Variants in RBFOX1 observed in about 807,000 individuals in gnomAD.
RBFOX1 encodes RNA binding protein fox-1 homolog 1.
A neutral mutation model predicts 57.7 loss-of-function variants in RBFOX1; 8 were observed. The ratio of observed to expected loss-of-function variants is 0.14; its 90% CI spans 0.08 to 0.25. The LOEUF is 0.25. RBFOX1 is among the 10% of genes least tolerant of loss of function. RBFOX1 has a pLI of 1.00. For synonymous variants in RBFOX1, 326 were observed against 222.4 expected (o/e 1.47, Z -4.15); for missense variants, 611 against 548.5 (o/e 1.11, Z -1.14).
chr16:5,567,642 A>AG (rs1596305607), intron 2 of RBFOX1, among the ~76,000 whole-genome samples: 1 of 147,776 alleles, frequency 6.8e-6, no homozygotes, highest in African/African-American at 2.6e-5. Context: ...AGGCAAAAAA[A>AG]AAAAAAAAAA....
chr16:6,362,301 G>T (rs1245930026), intron 2 of RBFOX1, among the ~76,000 whole-genome samples: 1 of 151,572 alleles, frequency 6.6e-6, no homozygotes, highest in East Asian at 1.9e-4. Context: ...ACCTTCATTT[G>T]CCTAATTCTT....
At chr16:5,707,638 G>T (rs11076953) in intron 3 of RBFOX1, among the ~76,000 whole-genome samples, 1 of 151,994 alleles carries the variant, frequency 6.6e-6, no homozygotes, top group African/African-American at 2.4e-5. Context: ...CTGGCATCAC[G>T]TGTGGCTATG....
At chr16:5,535,639 T>C (rs1411531673) in intron 2 of RBFOX1, among the ~76,000 whole-genome samples, 1 of 152,190 alleles carries the variant, frequency 6.6e-6, no homozygotes, top group African/African-American at 2.4e-5. Flanking sequence ...GCCTGTGTTT[T>C]GCAACTGATT....
chr16:6,083,381 A>G (rs1053633010), intron 1 of RBFOX1, among the ~76,000 whole-genome samples: 1 of 152,236 alleles, frequency 6.6e-6, no homozygotes, highest in Non-Finnish European at 1.5e-5. Context: ...AAGATCCCTC[A>G]TATTTAAAAC....
intron 4 of RBFOX1, among the ~76,000 whole-genome samples, chr16:7,060,692 A>C (rs967586466): frequency 1.3e-5 from 2 of 152,130 alleles, no homozygotes; most frequent in Non-Finnish European, 2.9e-5. Flanking sequence ...CCAGCAAGTA[A>C]TTTCTGGGAC....
chr16:6,059,125 G>A (rs1308629863), intron 1 of RBFOX1: 4 of 152,208 alleles, frequency 2.6e-5, no homozygotes, highest in African/African-American at 7.2e-5. Flanking sequence ...ATAGGGTTAG[G>A]TTTGGCAGAA....
At chr16:5,447,483 C>T (rs2068284283) in intron 1 of RBFOX1, among the ~76,000 whole-genome samples, 1 of 151,858 alleles carries the variant, frequency 6.6e-6, no homozygotes, top group Non-Finnish European at 1.5e-5. Flanking sequence ...CTTCACTTCA[C>T]TGCAACTGAA....
intron 4 of RBFOX1, among the ~76,000 whole-genome samples, chr16:7,325,738 G>C (rs756344158): frequency 2.6e-5 from 4 of 152,166 alleles, no homozygotes; most frequent in Non-Finnish European, 5.9e-5. Flanking sequence ...TTGATAATTT[G>C]ATGCGGTTGT....
chr16:6,301,983 T>C (rs2078874544), intron 1 of RBFOX1, among the ~76,000 whole-genome samples: 1 of 151,952 alleles, frequency 6.6e-6, no homozygotes, highest in Non-Finnish European at 1.5e-5. Context: ...CAGGGAAAAA[T>C]CAGAAACCGA....
At chr16:5,673,990 T>C (rs1215235587) in intron 3 of RBFOX1, among the ~76,000 whole-genome samples, 1 of 152,202 alleles carries the variant, frequency 6.6e-6, no homozygotes. Flanking sequence ...AGATAACAAG[T>C]GCTTCTGTGT....
intron 4 of RBFOX1, among the ~76,000 whole-genome samples, chr16:5,886,481 G>T (rs2057902594): frequency 6.6e-6 from 1 of 152,202 alleles, no homozygotes. Context: ...ATTTCTCCAT[G>T]GATCATTCAG....
chr16:6,720,302 C>T (rs956642939), intron 3 of RBFOX1, among the ~76,000 whole-genome samples: 3 of 152,082 alleles, frequency 2.0e-5, no homozygotes, highest in Admixed American at 6.5e-5. Context: ...GTTTCTGCTA[C>T]GTAAGACATG....
intron 1 of RBFOX1, among the ~76,000 whole-genome samples, chr16:6,138,639 G>A (rs1356780176): frequency 3.9e-5 from 6 of 151,980 alleles, no homozygotes; most frequent in South Asian, 2.1e-4. Context: ...AGGCTGAGGC[G>A]GACAGATCAC....
chr16:6,063,847 C>G (rs902846970), intron 1 of RBFOX1, among the ~76,000 whole-genome samples: 2 of 152,058 alleles, frequency 1.3e-5, no homozygotes, highest in African/African-American at 4.8e-5. Context: ...CCTCCTTGTC[C>G]TTAAGTTGTC....
In RBFOX1 at chr16:6,087,826, T is replaced by C. The variant is rs145918568; in HGVS notation, c.-127+67834T>C. Among the ~76,000 whole-genome samples, 175 of 152,234 alleles carry C rather than the reference T, an allele frequency of 1.1e-3. 4 individuals carry two copies. In the East Asian group the frequency reaches 0.026, roughly 23 times the overall value. On this transcript the variant is annotated intron_variant, in intron 1 of 15. Coordinates refer to ENST00000550418, the MANE Select transcript of RBFOX1 (RefSeq NM_018723.4). ...CACCACCACACCCAGTTAATTTTTG[T>C]ACTTTTAGTAGAGATGGGGTTTCCC...
chr16:6,082,979 A>G (rs76797170), intron 1 of RBFOX1, among the ~76,000 whole-genome samples: 4,276 of 148,092 alleles, frequency 0.029, 104 homozygotes, highest in African/African-American at 0.066. Flanking sequence ...CTGATCCATC[A>G]GCAAATTTTT....
chr16:6,033,211 A>G (rs551549034), intron 1 of RBFOX1, among the ~76,000 whole-genome samples: 3 of 152,364 alleles, frequency 2.0e-5, no homozygotes, highest in East Asian at 1.9e-4. Context: ...ATTAAAAACT[A>G]TTCATTTTAA....
rs145851720 is a variant in RBFOX1 at position 6,100,263 on chromosome 16, C to T, written c.-127+80271C>T. On this transcript the variant is annotated intron_variant, in intron 1 of 15. Coordinates refer to ENST00000550418, the MANE Select transcript of RBFOX1 (RefSeq NM_018723.4). ...CTGCAAGCTCCGCCTTCTGGGTTCA[C>T]GCCATTCTCCTGCCTCAGCCTCCCG... Among the ~76,000 whole-genome samples, 179 of 152,130 alleles carry T rather than the reference C, an allele frequency of 1.2e-3. No homozygotes were observed. The Middle Eastern group carries it at 0.024, about 20-fold the overall frequency.
intron 4 of RBFOX1, among the ~76,000 whole-genome samples, chr16:7,316,639 G>A (rs530642621): frequency 6.6e-6 from 1 of 152,242 alleles, no homozygotes; most frequent in Admixed American, 6.5e-5. Context: ...TGCCTTGCCA[G>A]GTGTGATAAA....
Sources: allele counts gnomAD v4.1 joint callset (sites outside exome capture counted in the v4.1 genomes callset), GRCh38; gene constraint gnomAD v4.1.1; transcripts MANE v1.5; gene names NCBI Gene and HGNC (gene_info 2026-07-23, HGNC 2026-07-21).